Variants in NDUFAF5 observed in about 807,000 individuals in gnomAD.
NDUFAF5 encodes arginine-hydroxylase NDUFAF5, mitochondrial.
NDUFAF5 carries 34 observed loss-of-function variants against 48.9 expected under a neutral mutation model. That is an observed-to-expected ratio of 0.70 (90% confidence interval 0.53 to 0.93). NDUFAF5 has a LOEUF of 0.93. Among genes scored for constraint, NDUFAF5 ranks in the 40% least tolerant of loss-of-function variants. The probability of loss-of-function intolerance (pLI) is 0.00; values close to 1 mark genes in which losing one functional copy is unlikely to be tolerated. For missense variants in NDUFAF5, 428 were observed against 427.5 expected, an observed-to-expected ratio of 1.00 and a Z score of -0.01; for synonymous variants, 153 against 150.6, an observed-to-expected ratio of 1.02 and a Z score of -0.12.
intron 1 of NDUFAF5, among the ~76,000 whole-genome samples, chr20:13,785,984 C>A (rs1981025098): frequency 6.6e-6 from 1 of 152,204 alleles, no homozygotes; most frequent in Non-Finnish European, 1.5e-5. Flanking sequence ...ATGTGAAGCT[C>A]TTGTTTTAAT....
At position 13,818,042 on chromosome 20, in the gene NDUFAF5, C is replaced by T; in HGVS notation, c.*832C>T. Reference sequence around the variant, plus strand: ...CCAGTTAGCTGTTCGCTGTCTTTTCCATTTAACCTGGGCACTGCCCTAGCC... The same window carrying T: ...CCAGTTAGCTGTTCGCTGTCTTTTCTATTTAACCTGGGCACTGCCCTAGCC... On this transcript the variant is annotated 3_prime_UTR_variant, in exon 11 of 11. Transcript: ENST00000378106. 1 of 447,514 alleles carries T rather than the reference C, an allele frequency of 2.2e-6. No homozygotes were observed. Among genetic ancestry groups the T allele is most frequent in the African/African-American group, 2.0e-5 (1 of 49,876 alleles). The allele number at this position is 447,514 out of a possible 1,614,324, so 27.7% of individuals were successfully genotyped here. A position where few individuals can be genotyped will look rare whatever the true frequency, so the allele number is the denominator to read the frequency against.
Position 13,808,890 on chromosome 20 carries a change from G to A in NDUFAF5, c.766G>A (p.Glu256Lys). 3.1e-6 allele frequency: 5 copies of A among 1,599,156 alleles called. No homozygotes were observed. The highest frequency in any genetic ancestry group is 3.4e-6 in the Non-Finnish European group (4 of 1,166,584). The change falls in exon 8 of 11, where the codon GAA becomes AAA. Residue 256 changes from glutamate to lysine, a missense_variant. Glu to Lys is a moderately conservative substitution (Grantham distance 56). Coordinates refer to ENST00000378106, the MANE Select transcript of NDUFAF5 (RefSeq NM_024120.5). The part of the protein sequence containing the change: ...VNYPGMFELM[E>K]DLQGMGESNC... ...CTATCCTGGAATGTTTGAATTGATG[G>A]AAGATTTACAAGGTAAGGCACTTTA...
intron 3 of NDUFAF5, among the ~76,000 whole-genome samples, chr20:13,790,395 C>A (rs1293134907): frequency 6.6e-6 from 1 of 152,142 alleles, no homozygotes; most frequent in Non-Finnish European, 1.5e-5. Context: ...ACATCTAATC[C>A]GTCAGCAGCT....
chr20:13,786,248 G>A (rs1981092646), intron 1 of NDUFAF5, among the ~76,000 whole-genome samples: 1 of 152,230 alleles, frequency 6.6e-6, no homozygotes, highest in Non-Finnish European at 1.5e-5. Flanking sequence ...GTACAGGTCT[G>A]ATCAGATGAT....
rs1600399720 is a variant in NDUFAF5, at chr20:13,817,819, T to C, written c.*609T>C. The C allele has an allele frequency of 4.6e-6, 1 of 216,246 alleles. No homozygotes were observed. Among genetic ancestry groups the C allele is most frequent in the East Asian group, 1.1e-4 (1 of 8,732 alleles). The allele number at this position is 216,246 out of a possible 1,614,324, so 13.4% of individuals were successfully genotyped here. A position where few individuals can be genotyped will look rare whatever the true frequency, so the allele number is the denominator to read the frequency against. On this transcript the variant is annotated 3_prime_UTR_variant, in exon 11 of 11. Coordinates refer to ENST00000378106, the MANE Select transcript of NDUFAF5 (RefSeq NM_024120.5). The stretch of plus-strand genomic sequence containing the variant: ...AGTCTCTGCACAGTCATCAGTTTAT[T>C]GTTAAGCTTTCCTTTGTAATTTCAG...
intron 5 of NDUFAF5, 122 bp from the exon 6 acceptor site, chr20:13,798,339 T>C: frequency 1.3e-6 from 1 of 746,918 alleles, no homozygotes; most frequent in Non-Finnish European, 2.4e-6. Flanking sequence ...TCAGTGGATT[T>C]GGATATGCAG....
chr20:13,787,310 A>T lies in NDUFAF5; in HGVS notation c.223-2A>T, dbSNP rs1405846179. 1 of 1,614,088 alleles carries T rather than the reference A, an allele frequency of 6.2e-7. No homozygotes were observed. Among genetic ancestry groups the T allele is most frequent in the Non-Finnish European group, 8.5e-7 (1 of 1,179,954 alleles). ...TAACCTACGCCTCGTGTAATCCTTCAGGTTGGAAGTCGGATCGCAGACCGT... is the reference window on the plus strand; with the variant it reads ...TAACCTACGCCTCGTGTAATCCTTCTGGTTGGAAGTCGGATCGCAGACCGT... On this transcript the variant is annotated splice_acceptor_variant, in intron 1 of 10. Coordinates refer to ENST00000378106, the MANE Select transcript of NDUFAF5 (RefSeq NM_024120.5). LOFTEE classifies it high-confidence loss of function.
Position 13,817,857 on chromosome 20 carries a change from A to G in NDUFAF5, c.*647A>G, listed in dbSNP as rs1236078826. On this transcript the variant is annotated 3_prime_UTR_variant, in exon 11 of 11. Transcript: ENST00000378106. Reference sequence around the variant, plus strand: ...TTTGTAATTTCAGGGCTTAAGCACTATTATCCTAATCCAAGTTCACAGTCC... The same window carrying G: ...TTTGTAATTTCAGGGCTTAAGCACTGTTATCCTAATCCAAGTTCACAGTCC... 2.6e-5 allele frequency: 12 copies of G among 453,978 alleles called. No homozygotes were observed. The highest frequency in any genetic ancestry group is 8.0e-5 in the African/African-American group (4 of 49,984). The allele number at this position is 453,978 out of a possible 1,614,324, so 28.1% of individuals were successfully genotyped here.
intron 8 of NDUFAF5, among the ~76,000 whole-genome samples, chr20:13,812,125 C>T (rs1489957224): frequency 6.6e-6 from 1 of 152,248 alleles, no homozygotes; most frequent in Middle Eastern, 3.2e-3. Flanking sequence ...TGCCCTGGCA[C>T]TGTCTGAACT....
intron 3 of NDUFAF5, among the ~76,000 whole-genome samples, chr20:13,789,829 G>A (rs1450322576): frequency 1.3e-5 from 2 of 152,184 alleles, no homozygotes; most frequent in Non-Finnish European, 2.9e-5. Context: ...ATAGACTTGG[G>A]CCAGGGTGAG....
In NDUFAF5 at chr20:13,817,441, A is replaced by G. The variant is rs1269769520; in HGVS notation, c.*231A>G. 4.7e-6 allele frequency: 3 copies of G among 643,608 alleles called. No homozygotes were observed. In the African/African-American group the frequency reaches 5.4e-5, roughly 11 times the overall value. The allele number at this position is 643,608 out of a possible 1,614,324, so 39.9% of individuals were successfully genotyped here. On this transcript the variant is annotated 3_prime_UTR_variant, in exon 11 of 11. Coordinates refer to ENST00000378106, the MANE Select transcript of NDUFAF5 (RefSeq NM_024120.5). ...CTTTGCAGATTCAGCCTAAAAGCAA[A>G]GAAAATATTTCCCTAAAATATTTGC...
chr20:13,786,828 A>G (rs1463094479), intron 1 of NDUFAF5, among the ~76,000 whole-genome samples: 1 of 152,208 alleles, frequency 6.6e-6, no homozygotes, highest in Non-Finnish European at 1.5e-5. Context: ...TAACTTGCGA[A>G]TGTCACTCAG....
intron 7 of NDUFAF5, among the ~76,000 whole-genome samples, chr20:13,807,518 A>G (rs919543164): frequency 1.3e-5 from 2 of 151,726 alleles, no homozygotes; most frequent in Non-Finnish European, 2.9e-5. Context: ...CCAGTCAATA[A>G]CATGTCTTGG....
chr20:13,816,920 T>G lies in NDUFAF5; in HGVS notation c.908T>G (p.Ile303Ser), dbSNP rs1986534893. 8 of 1,610,054 alleles carry G rather than the reference T, an allele frequency of 5.0e-6. No individual in the cohort carries two copies. Among genetic ancestry groups the G allele is most frequent in the Non-Finnish European group, 5.1e-6 (6 of 1,176,372 alleles). The change falls in exon 10 of 11, where the codon ATC becomes AGC. Residue 303 changes from isoleucine to serine, a missense_variant. Coordinates refer to ENST00000378106, the MANE Select transcript of NDUFAF5 (RefSeq NM_024120.5). Reference protein sequence around the residue: ...EDGSVPATYQIYYMIGWKYHE... With the variant: ...EDGSVPATYQSYYMIGWKYHE... ...GGTTCAGTACCTGCTACATACCAGA[T>G]CTATTACATGATAGGATGGAAATAT...
chr20:13,808,618 A>G (rs903834466), intron 7 of NDUFAF5, among the ~76,000 whole-genome samples: 3 of 152,166 alleles, frequency 2.0e-5, no homozygotes, highest in Non-Finnish European at 4.4e-5. Context: ...ACTAGAACCA[A>G]TGATGGAGTT....
Position 13,785,212 on chromosome 20 carries a change from C to T in NDUFAF5, c.144C>T (p.Asp48=), listed in dbSNP as rs1194843466. 1.9e-6 allele frequency: 3 copies of T among 1,613,764 alleles called. No homozygotes were observed. The highest frequency in any genetic ancestry group is 2.2e-5 in the East Asian group (1 of 44,876). The change falls in exon 1 of 11, where the codon GAC becomes GAT. Residue 48 remains aspartate (D), a synonymous_variant. Transcript: ENST00000378106. ...STSPRTLNIF[D]RDLKRKQKNW... ...CGCCCAGAACCCTGAATATTTTCGACCGGGATTTGAAAAGGAAACAGAAGA... is the reference window on the plus strand; with the variant it reads ...CGCCCAGAACCCTGAATATTTTCGATCGGGATTTGAAAAGGAAACAGAAGA...
chr20:13,785,210 G>T lies in NDUFAF5; in HGVS notation c.142G>T (p.Asp48Tyr). ...STSPRTLNIF[D>Y]RDLKRKQKNW... ...CTCGCCCAGAACCCTGAATATTTTC[G>T]ACCGGGATTTGAAAAGGAAACAGAA... Residue 48 changes from aspartate (D) to tyrosine (Y), a missense_variant, in exon 1 of 11, where the codon GAC (aspartate) becomes TAC (tyrosine). Asp to Tyr is a radical substitution (Grantham distance 160, BLOSUM62 -3). Coordinates refer to ENST00000378106, the MANE Select transcript of NDUFAF5 (RefSeq NM_024120.5). 1 of 1,613,736 alleles carries T rather than the reference G, an allele frequency of 6.2e-7. No individual in the cohort carries two copies. The highest frequency in any genetic ancestry group is 1.1e-5 in the South Asian group (1 of 90,974).
rs1986905422 is a variant in NDUFAF5 at position 13,820,433 on chromosome 20, CCTGTGAT to C, written c.*3226_*3232del. 6.6e-6 allele frequency: 1 copy of C among 152,170 alleles called. No homozygotes were observed. The highest frequency in any genetic ancestry group is 2.1e-4 in the South Asian group (1 of 4,830). The allele number at this position is 152,170 out of a possible 1,614,324, so 9.4% of individuals were successfully genotyped here. ...TTTTGGCCGGCTGCAGTGGCTCACA[CCTGTGAT>C]CTCAACACTTTGGGAAGCTGAGACG... On this transcript the variant is annotated 3_prime_UTR_variant, in exon 11 of 11. Transcript: ENST00000378106.
intron 7 of NDUFAF5, 98 bp from the exon 8 acceptor site, chr20:13,808,744 A>C: frequency 1.3e-6 from 1 of 742,018 alleles, no homozygotes; most frequent in Admixed American, 2.2e-5. Context: ...TTTGCTTAGC[A>C]TGGGAGATTG....
Sources: allele counts gnomAD v4.1 joint callset (sites outside exome capture counted in the v4.1 genomes callset), GRCh38; gene constraint gnomAD v4.1.1; transcripts MANE v1.5; gene names NCBI Gene and HGNC (gene_info 2026-07-23, HGNC 2026-07-21).